The following UNC80 variants were observed in gnomAD, a reference collection of about 807,000 sequenced individuals.
The protein encoded by UNC80 is unc-80 subunit of NALCN channel complex.
UNC80 carries 164 observed loss-of-function variants against 384.6 expected under a neutral mutation model. The ratio of observed to expected loss-of-function variants is 0.43; its 90% CI spans 0.38 to 0.49. The LOEUF (loss-of-function observed/expected upper bound fraction) is 0.49. Among genes scored for constraint, UNC80 ranks in the 20% least tolerant of loss-of-function variants. UNC80 has a pLI of 0.00. For synonymous variants in UNC80, 1,486 were observed against 1,527.8 expected (o/e 0.97, Z 0.64); for missense variants, 3,330 against 4,143.0 (o/e 0.80, Z 5.39).
At chr2:209,947,218 A>C (rs370600497) in intron 47 of UNC80, among the ~76,000 whole-genome samples, 4 of 152,274 alleles carry the variant, frequency 2.6e-5, no homozygotes, top group African/African-American at 9.6e-5. Context: ...TCTATACGTG[A>C]TTGTAAACAT....
intron 16 of UNC80, among the ~76,000 whole-genome samples, chr2:209,832,109 A>G (rs1249724074): frequency 6.6e-6 from 1 of 152,158 alleles, no homozygotes; most frequent in East Asian, 1.9e-4. Context: ...ATAAAAGGCT[A>G]GTGCTAAAGG....
At chr2:209,871,710 A>G (rs552881275) in intron 22 of UNC80, among the ~76,000 whole-genome samples, 1 of 152,040 alleles carries the variant, frequency 6.6e-6, no homozygotes, top group African/African-American at 2.4e-5. Flanking sequence ...ACTTCTCATT[A>G]CTTCTTTCCT....
At chr2:209,886,162 T>G (rs1419272649) in intron 25 of UNC80, among the ~76,000 whole-genome samples, 2 of 151,874 alleles carry the variant, frequency 1.3e-5, no homozygotes, top group African/African-American at 4.8e-5. Context: ...ATTTTTATTT[T>G]TTATATTTAT....
chr2:209,901,828 C>T (rs1382091991), intron 28 of UNC80, among the ~76,000 whole-genome samples: 1 of 151,934 alleles, frequency 6.6e-6, no homozygotes, highest in Non-Finnish European at 1.5e-5. Flanking sequence ...ACTCGAGAGG[C>T]CGAGGCAGGA....
Position 209,852,609 on chromosome 2 carries a change from AGACT to A in UNC80, c.3627+2989_3627+2992del, listed in dbSNP as rs575063391. On this transcript the variant is annotated intron_variant, in intron 22 of 64. Coordinates refer to ENST00000673920, the MANE Select transcript of UNC80 (RefSeq NM_001371986.1). ...ACTAAAGGGGCTGGTGAATTCTGAC[AGACT>A]GAGAGGAAGGTAATGCAGCTATATG... is the stretch of plus-strand genomic sequence containing the variant. 1.1e-4 allele frequency among the ~76,000 whole-genome samples: 17 copies of A among 152,256 alleles called. No homozygotes were observed. The South Asian group carries it at 3.5e-3, about 32-fold the overall frequency.
intron 7 of UNC80, among the ~76,000 whole-genome samples, chr2:209,808,432 G>T (rs552543250): frequency 6.6e-6 from 1 of 151,916 alleles, no homozygotes; most frequent in Admixed American, 6.6e-5. Flanking sequence ...GCGTCGTGGC[G>T]GGCACCTGTA....
At chr2:209,806,114 T>C (rs1017571995) in intron 7 of UNC80, among the ~76,000 whole-genome samples, 2 of 152,226 alleles carry the variant, frequency 1.3e-5, no homozygotes, top group African/African-American at 2.4e-5. Context: ...TCTGTCTGAC[T>C]TTTAAACATA....
At chr2:209,865,974 T>C (rs2083723484) in intron 22 of UNC80, among the ~76,000 whole-genome samples, 2 of 152,224 alleles carry the variant, frequency 1.3e-5, no homozygotes, top group South Asian at 4.1e-4. Flanking sequence ...TTGACAATCC[T>C]TTATAGGTAA....
intron 7 of UNC80, among the ~76,000 whole-genome samples, chr2:209,802,815 G>A (rs899692860): frequency 1.3e-5 from 2 of 152,216 alleles, no homozygotes; most frequent in Non-Finnish European, 2.9e-5. Flanking sequence ...TTGCCTCACA[G>A]GCTTAACTGG....
chr2:209,832,284 C>G (rs1438647321), intron 16 of UNC80, among the ~76,000 whole-genome samples: 1 of 152,086 alleles, frequency 6.6e-6, no homozygotes, highest in Non-Finnish European at 1.5e-5. Flanking sequence ...CAAATATCAT[C>G]TGTTCCCCAA....
chr2:209,949,894 C>T (rs1054195557), intron 47 of UNC80, among the ~76,000 whole-genome samples: 4 of 151,832 alleles, frequency 2.6e-5, no homozygotes, highest in African/African-American at 9.7e-5. Flanking sequence ...GTGTCACAAT[C>T]ATGGCCCACT....
chr2:209,952,447 T>A (rs916855217), intron 47 of UNC80, among the ~76,000 whole-genome samples: 1 of 152,228 alleles, frequency 6.6e-6, no homozygotes, highest in Non-Finnish European at 1.5e-5. Flanking sequence ...CAGCCTTCCA[T>A]GGGCCTAACT....
intron 47 of UNC80, among the ~76,000 whole-genome samples, chr2:209,947,913 G>A (rs1559377555): frequency 6.6e-6 from 1 of 151,986 alleles, no homozygotes; most frequent in Non-Finnish European, 1.5e-5. Context: ...TCTGAAATCT[G>A]TTTAACTGAA....
intron 51 of UNC80, among the ~76,000 whole-genome samples, chr2:209,965,532 C>T (rs948603182): frequency 2.6e-5 from 4 of 151,022 alleles, no homozygotes; most frequent in African/African-American, 9.7e-5. Context: ...GTGGCACAAT[C>T]TCCTCAGCCT....
chr2:209,896,906 G>A (rs774171189), intron 28 of UNC80, among the ~76,000 whole-genome samples: 1 of 152,140 alleles, frequency 6.6e-6, no homozygotes. Context: ...TCTGGGCACG[G>A]GGTGGAGTCC....
At chr2:209,938,336 C>A (rs1325704870) in intron 42 of UNC80, among the ~76,000 whole-genome samples, 1 of 152,076 alleles carries the variant, frequency 6.6e-6, no homozygotes, top group Non-Finnish European at 1.5e-5. Flanking sequence ...TAAATAAAAT[C>A]TTTAAAGAAT....
At chr2:209,898,183 G>C (rs1160921543) in intron 28 of UNC80, among the ~76,000 whole-genome samples, 1 of 151,714 alleles carries the variant, frequency 6.6e-6, no homozygotes, top group African/African-American at 2.4e-5. Flanking sequence ...TTTTCATTTT[G>C]TCATTTTTAG....
intron 7 of UNC80, among the ~76,000 whole-genome samples, chr2:209,796,704 T>G (rs1307806791): frequency 6.6e-6 from 1 of 152,186 alleles, no homozygotes; most frequent in Non-Finnish European, 1.5e-5. Flanking sequence ...TTGCTGCTTC[T>G]TCATTTTTCT....
Position 209,976,377 on chromosome 2 carries a change from T to C in UNC80, c.8772+74T>C. 1 of 1,537,978 alleles carries C rather than the reference T, an allele frequency of 6.5e-7. No homozygotes were observed. The highest frequency in any genetic ancestry group is 8.8e-7 in the Non-Finnish European group (1 of 1,136,356). ...GTGGCTCTCTACTGAGGCAGGAATA[T>C]GGCAGGAGTGCTCATGGTACCTACT... is the stretch of plus-strand genomic sequence containing the variant. On this transcript the variant is annotated intron_variant, in intron 57 of 64. Transcript: ENST00000673920. The surrounding 1 kb of genome is among the most constrained non-coding windows in gnomAD (Gnocchi z 4.3).
Sources: gnomAD v4.1 joint callset for allele counts (sites outside exome capture counted in the v4.1 genomes callset) on GRCh38, gnomAD v4.1.1 for gene constraint, Gnocchi (gnomAD v3.1) non-coding constraint, MANE v1.5 for transcripts, NCBI Gene and HGNC (gene_info 2026-07-23, HGNC 2026-07-21) for gene names.